The following HTT-AS variants were observed in gnomAD, a reference collection of about 807,000 sequenced individuals.
HTT-AS encodes the protein HTT antisense RNA (head to head).
rs773719978 is a variant in HTT-AS at position 3,055,144 on chromosome 4, C to T, written n.1381-5446G>A. 4.3e-4 allele frequency among the ~76,000 whole-genome samples: 66 copies of T among 151,778 alleles called. 1 individual carries two copies. The highest frequency in any genetic ancestry group is 1.2e-4 in the Non-Finnish European group (8 of 67,934). On this transcript the variant is annotated intron_variant and non_coding_transcript_variant, in intron 2 of 2. Transcript: ENST00000664062. Reference sequence around the variant, plus strand: ...CAGGTAGATCACGAGGTCAGGAGATCGAGACCATCCGGGCGTGGTGGCGGG... The same window carrying T: ...CAGGTAGATCACGAGGTCAGGAGATTGAGACCATCCGGGCGTGGTGGCGGG...
chr4:3,055,101 C>CA (rs1204450311), intron 2 of HTT-AS, among the ~76,000 whole-genome samples: 1 of 151,994 alleles, frequency 6.6e-6, no homozygotes, highest in African/African-American at 2.4e-5. Context: ...GTAATCCCAT[C>CA]ACTTTGGGAG....
chr4:3,074,394 G>A (rs116191541), intron 1 of HTT-AS: 3,953 of 143,560 alleles, frequency 0.028, 156 homozygotes, highest in African/African-American at 0.094. Context: ...GTCCCGCCTC[G>A]CCGCGACACT....
intron 1 of HTT-AS, among the ~76,000 whole-genome samples, chr4:3,069,376 G>T (rs574001471): frequency 6.0e-5 from 9 of 151,176 alleles, no homozygotes; most frequent in Admixed American, 5.3e-4. Flanking sequence ...GGCTGGTCTT[G>T]AACTCCTGAC....
At chr4:3,066,766 A>G (rs2110124238) in intron 1 of HTT-AS, among the ~76,000 whole-genome samples, 1 of 152,338 alleles carries the variant, frequency 6.6e-6, no homozygotes, top group South Asian at 2.1e-4. Context: ...GGAAGAAGAT[A>G]ATACCTTAAG....
intron 2 of HTT-AS, among the ~76,000 whole-genome samples, chr4:3,059,659 G>A (rs967180791): frequency 4.0e-5 from 6 of 149,254 alleles, no homozygotes; most frequent in East Asian, 2.0e-4. Context: ...GCCTGATCCC[G>A]GCCCACTGCA....
chr4:3,052,900 G>GCAGA (rs1489633826), intron 2 of HTT-AS, among the ~76,000 whole-genome samples: 4 of 152,158 alleles, frequency 2.6e-5, no homozygotes, highest in Admixed American at 2.6e-4. Flanking sequence ...GGAGGCTGAG[G>GCAGA]CAGAAGAATC....
intron 2 of HTT-AS, among the ~76,000 whole-genome samples, chr4:3,054,655 A>AT (rs1402444546): frequency 1.3e-5 from 2 of 152,136 alleles, no homozygotes; most frequent in Admixed American, 6.5e-5. Context: ...TTAAAGGAGT[A>AT]TTATTCATTT....
At chr4:3,067,483 G>A (rs1261450332) in intron 1 of HTT-AS, among the ~76,000 whole-genome samples, 1 of 152,210 alleles carries the variant, frequency 6.6e-6, no homozygotes, top group Admixed American at 6.5e-5. Flanking sequence ...GGGACACTCA[G>A]AGGCAGAGGG....
chr4:3,066,282 G>T (rs536103395), intron 1 of HTT-AS, among the ~76,000 whole-genome samples: 4 of 151,986 alleles, frequency 2.6e-5, no homozygotes, highest in Non-Finnish European at 4.4e-5. Flanking sequence ...CGATTCTCCT[G>T]CCTCAGCCTC....
At chr4:3,064,956 T>C (rs1365690173) in intron 1 of HTT-AS, among the ~76,000 whole-genome samples, 1 of 152,230 alleles carries the variant, frequency 6.6e-6, no homozygotes, top group Non-Finnish European at 1.5e-5. Flanking sequence ...GTGGGGTTTA[T>C]TTCAATAATG....
intron 1 of HTT-AS, among the ~76,000 whole-genome samples, chr4:3,065,490 T>C (rs1218187047): frequency 6.6e-6 from 1 of 152,152 alleles, no homozygotes; most frequent in African/African-American, 2.4e-5. Context: ...GTACTGGGAT[T>C]ACCGGTGTGA....
chr4:3,070,636 C>T (rs73086145), intron 1 of HTT-AS, among the ~76,000 whole-genome samples: 1 of 151,922 alleles, frequency 6.6e-6, no homozygotes, highest in East Asian at 1.9e-4. Context: ...GAATGGGGGA[C>T]GTTATCAGGC....
chr4:3,071,921 A>C (rs548887013), intron 1 of HTT-AS, among the ~76,000 whole-genome samples: 1 of 152,176 alleles, frequency 6.6e-6, no homozygotes, highest in Non-Finnish European at 1.5e-5. Context: ...GAGAAGATAC[A>C]TTTCTGTTGT....
intron 2 of HTT-AS, among the ~76,000 whole-genome samples, chr4:3,061,881 C>T (rs1711932545): frequency 6.7e-6 from 1 of 149,308 alleles, no homozygotes; most frequent in South Asian, 2.1e-4. Flanking sequence ...ACTCGGCAGG[C>T]TGAGGCAGGA....
chr4:3,054,783 T>C (rs2110120969), intron 2 of HTT-AS, among the ~76,000 whole-genome samples: 1 of 151,904 alleles, frequency 6.6e-6, no homozygotes, highest in East Asian at 2.0e-4. Flanking sequence ...GGTGCACTCT[T>C]GGCTCACTGC....
At chr4:3,069,899 G>C (rs955165081) in intron 1 of HTT-AS, 4 of 152,574 alleles carry the variant, frequency 2.6e-5, no homozygotes, top group African/African-American at 9.6e-5. Flanking sequence ...CTCTCCAGTT[G>C]CTCGACTGCT....
exon 2 of HTT-AS, among the ~76,000 whole-genome samples, chr4:3,063,122 G>C (rs534515280): frequency 6.6e-6 from 1 of 152,154 alleles, no homozygotes; most frequent in South Asian, 2.1e-4. Flanking sequence ...GTCAGTTGAA[G>C]TAAGTGCTAC....
intron 2 of HTT-AS, among the ~76,000 whole-genome samples, chr4:3,057,866 G>A (rs950473261): frequency 2.0e-4 from 30 of 151,096 alleles, no homozygotes; most frequent in African/African-American, 6.8e-4. Context: ...CTTGTGATCC[G>A]CCCGCCTCAG....
At chr4:3,058,223 G>A (rs979887827) in intron 2 of HTT-AS, among the ~76,000 whole-genome samples, 1 of 152,054 alleles carries the variant, frequency 6.6e-6, no homozygotes, top group Non-Finnish European at 1.5e-5. Flanking sequence ...CTACTCGGGA[G>A]GCTGAGGCAG....
Sources: gnomAD v4.1 joint callset for allele counts (sites outside exome capture counted in the v4.1 genomes callset) on GRCh38, gnomAD v4.1.1 for gene constraint, MANE v1.5 for transcripts, NCBI Gene and HGNC (gene_info 2026-07-23, HGNC 2026-07-21) for gene names.